Variants in ADGRL3 observed in about 807,000 individuals in gnomAD.
ADGRL3 encodes the protein adhesion G protein-coupled receptor L3.
A neutral mutation model predicts 153.5 loss-of-function variants in ADGRL3; 62 were observed. The observed-to-expected ratio is 0.40, with a 90% CI of 0.33 to 0.50. ADGRL3 has a LOEUF of 0.50. Among genes scored for constraint, ADGRL3 ranks in the 20% least tolerant of loss-of-function variants. ADGRL3 has a pLI of 0.47. For synonymous variants in ADGRL3, 710 were observed against 672.5 expected, an observed-to-expected ratio of 1.06 and a Z score of -0.86; for missense variants, 1,641 against 1,859.4, an observed-to-expected ratio of 0.88 and a Z score of 2.16.
chr4:61,879,069 C>A (rs1463437365), intron 9 of ADGRL3, among the ~76,000 whole-genome samples: 1 of 152,056 alleles, frequency 6.6e-6, no homozygotes, highest in Non-Finnish European at 1.5e-5. Context: ...ATAGAGTAGG[C>A]AAGAGAATTT....
chr4:61,615,952 G>C (rs2091953076), intron 5 of ADGRL3, among the ~76,000 whole-genome samples: 1 of 152,010 alleles, frequency 6.6e-6, no homozygotes, highest in Admixed American at 6.6e-5. Context: ...TAATGAGTAG[G>C]GAAGTTTGCC....
At chr4:61,412,945 G>A (rs1055242079) in intron 2 of ADGRL3, among the ~76,000 whole-genome samples, 3 of 152,090 alleles carry the variant, frequency 2.0e-5, no homozygotes, top group Non-Finnish European at 4.4e-5. Flanking sequence ...TTTTCATTAA[G>A]TTTGACATGT....
intron 1 of ADGRL3, among the ~76,000 whole-genome samples, chr4:61,297,743 C>A (rs974142114): frequency 1.3e-5 from 2 of 151,016 alleles, no homozygotes; most frequent in African/African-American, 4.9e-5. Flanking sequence ...TCAAGAGATT[C>A]TTGTGTTAAA....
At chr4:61,727,142 A>G (rs2096362930) in intron 6 of ADGRL3, among the ~76,000 whole-genome samples, 1 of 152,168 alleles carries the variant, frequency 6.6e-6, no homozygotes, top group Non-Finnish European at 1.5e-5. Context: ...TTTTGAAACA[A>G]TAACATGACT....
intron 13 of ADGRL3, among the ~76,000 whole-genome samples, chr4:61,917,805 A>G (rs1043564963): frequency 2.0e-5 from 3 of 151,214 alleles, no homozygotes; most frequent in African/African-American, 7.4e-5. Context: ...CAGAGAGAAC[A>G]GAAAGTTCCT....
chr4:61,786,666 T>C (rs1279148583), intron 8 of ADGRL3, among the ~76,000 whole-genome samples: 1 of 152,184 alleles, frequency 6.6e-6, no homozygotes, highest in African/African-American at 2.4e-5. Context: ...TTGGAAAGGA[T>C]AAGCAATGTG....
intron 17 of ADGRL3, among the ~76,000 whole-genome samples, chr4:61,965,343 A>G (rs1335852271): frequency 6.6e-6 from 1 of 152,130 alleles, no homozygotes; most frequent in Non-Finnish European, 1.5e-5. Context: ...AAATAAAGTG[A>G]TAAAGTTAGA....
chr4:61,515,077 T>G (rs1349585410), intron 3 of ADGRL3, among the ~76,000 whole-genome samples: 1 of 152,168 alleles, frequency 6.6e-6, no homozygotes, highest in African/African-American at 2.4e-5. Flanking sequence ...ATAATTATCC[T>G]AAACAGATTG....
chr4:61,656,314 C>T (rs17090520), intron 5 of ADGRL3, among the ~76,000 whole-genome samples: 2,619 of 152,054 alleles, frequency 0.017, 84 homozygotes, highest in African/African-American at 0.06. Context: ...TTATATGTGA[C>T]CATTTGTTGA....
chr4:62,030,862 A>G (rs141026880), intron 22 of ADGRL3, among the ~76,000 whole-genome samples: 1 of 151,668 alleles, frequency 6.6e-6, no homozygotes, highest in Non-Finnish European at 1.5e-5. Flanking sequence ...TTTTCCATCT[A>G]CTATCCCTCA....
intron 24 of ADGRL3, among the ~76,000 whole-genome samples, chr4:62,044,143 G>C (rs1013202777): frequency 6.6e-6 from 1 of 151,806 alleles, no homozygotes; most frequent in Non-Finnish European, 1.5e-5. Context: ...AATTCTGTCT[G>C]AAGATATATA....
At chr4:61,657,751 A>T (rs569980920) in intron 5 of ADGRL3, among the ~76,000 whole-genome samples, 35 of 152,226 alleles carry the variant, frequency 2.3e-4, no homozygotes, top group Non-Finnish European at 4.4e-4. Context: ...AAATGTATGC[A>T]TATTGCATTG....
At chr4:61,816,605 A>G (rs1002670667) in intron 9 of ADGRL3, among the ~76,000 whole-genome samples, 5 of 152,346 alleles carry the variant, frequency 3.3e-5, no homozygotes, top group South Asian at 2.1e-4. Context: ...AAAAAGTAAA[A>G]TAAATGTAAA....
intron 2 of ADGRL3, among the ~76,000 whole-genome samples, chr4:61,450,731 T>C (rs2152517979): frequency 6.6e-6 from 1 of 152,174 alleles, no homozygotes. Context: ...AGCTTGAAAT[T>C]TTGTTGTTAG....
At chr4:61,416,402 G>C (rs1164963689) in intron 2 of ADGRL3, among the ~76,000 whole-genome samples, 1 of 151,418 alleles carries the variant, frequency 6.6e-6, no homozygotes, top group African/African-American at 2.4e-5. Flanking sequence ...TAAAATTAAA[G>C]AATAAGGACA....
chr4:61,797,354 C>T (rs1363638931), intron 8 of ADGRL3, among the ~76,000 whole-genome samples: 1 of 152,080 alleles, frequency 6.6e-6, no homozygotes, highest in African/African-American at 2.4e-5. Context: ...AAAGGTGTTT[C>T]TAAAGGATCC....
intron 9 of ADGRL3, among the ~76,000 whole-genome samples, chr4:61,867,738 TG>T (rs1452712623): frequency 6.6e-6 from 1 of 151,688 alleles, no homozygotes; most frequent in African/African-American, 2.4e-5. Context: ...GTCTGTGTTG[TG>T]GAGAAACATA....
chr4:61,999,463 A>G (rs1028334258), intron 21 of ADGRL3, among the ~76,000 whole-genome samples: 3 of 152,228 alleles, frequency 2.0e-5, no homozygotes, highest in Non-Finnish European at 4.4e-5. Flanking sequence ...TAATATTTAG[A>G]TGCATATTAG....
chr4:61,758,435 T>C (rs1008012405), intron 8 of ADGRL3, among the ~76,000 whole-genome samples: 2 of 152,232 alleles, frequency 1.3e-5, no homozygotes, highest in Non-Finnish European at 2.9e-5. Flanking sequence ...CATTATGTAA[T>C]GTCTTCCTTT....
Sources: allele counts gnomAD v4.1 joint callset (sites outside exome capture counted in the v4.1 genomes callset), GRCh38; gene constraint gnomAD v4.1.1; transcripts MANE v1.5; gene names NCBI Gene and HGNC (gene_info 2026-07-23, HGNC 2026-07-21).